Variants in MLIP observed in about 807,000 individuals in gnomAD.
MLIP encodes muscular LMNA-interacting protein.
Under a neutral mutation model 84.8 loss-of-function variants are expected in MLIP, and 79 were observed. The observed-to-expected ratio is 0.93, with a 90% CI of 0.78 to 1.12. MLIP has a LOEUF of 1.12. Ranked by LOEUF, MLIP falls within the 50% of genes most tolerant of loss-of-function variation. MLIP has a pLI of 0.00. For synonymous variants in MLIP, 504 were observed against 463.0 expected, an observed-to-expected ratio of 1.09 and a Z score of -1.14; for missense variants, 1,257 against 1,160.6, an observed-to-expected ratio of 1.08 and a Z score of -1.21.
intron 9 of MLIP, among the ~76,000 whole-genome samples, chr6:54,178,484 G>T (rs1582406571): frequency 6.6e-6 from 1 of 152,086 alleles, no homozygotes; most frequent in African/African-American, 2.4e-5. Flanking sequence ...CTTTCTAGTT[G>T]TTTAAGGTGT....
intron 5 of MLIP, among the ~76,000 whole-genome samples, chr6:54,158,373 A>G (rs570030776): frequency 6.6e-5 from 10 of 152,244 alleles, no homozygotes; most frequent in Middle Eastern, 6.8e-3. Flanking sequence ...ACCAGAACAT[A>G]TATATTCAAG....
intron 12 of MLIP, among the ~76,000 whole-genome samples, chr6:54,246,716 A>G (rs1312471642): frequency 6.6e-6 from 1 of 152,116 alleles, no homozygotes; most frequent in Admixed American, 6.6e-5. Flanking sequence ...CTGGTTTAAA[A>G]TGTATTTAAC....
At chr6:54,215,103 G>A in intron 11 of MLIP, 1 of 1,453,674 alleles carries the variant, frequency 6.9e-7, no homozygotes, top group South Asian at 1.2e-5. Context: ...TACACGCTGT[G>A]TACTTCCTCA....
chr6:54,230,953 T>C (rs1319670515), intron 12 of MLIP, 36 bp downstream of exon 12: 2 of 1,582,444 alleles, frequency 1.3e-6, no homozygotes, highest in South Asian at 2.2e-5. Flanking sequence ...ACTATTCTAT[T>C]CTGTGAACCT....
At chr6:54,215,134 A>T (rs1014575223) in intron 11 of MLIP, 2 of 1,534,086 alleles carry the variant, frequency 1.3e-6, no homozygotes, top group South Asian at 2.4e-5. Flanking sequence ...TCCACTTTAC[A>T]CTCAGGCTGC....
chr6:54,229,087 A>G (rs1780800151), intron 11 of MLIP, among the ~76,000 whole-genome samples: 1 of 152,252 alleles, frequency 6.6e-6, no homozygotes, highest in South Asian at 2.1e-4. Flanking sequence ...GACAAATGGA[A>G]GAAATGAAAA....
At chr6:54,177,322 T>C (rs1410527554) in intron 9 of MLIP, among the ~76,000 whole-genome samples, 3 of 151,966 alleles carry the variant, frequency 2.0e-5, no homozygotes, top group Admixed American at 2.0e-4. Context: ...ATCCAGAATC[T>C]ACAAGGAACT....
intron 1 of MLIP, among the ~76,000 whole-genome samples, chr6:54,086,932 T>C (rs372630496): frequency 1.1e-4 from 16 of 152,226 alleles, no homozygotes; most frequent in Admixed American, 3.3e-4. Flanking sequence ...CCTGTACATA[T>C]CTTCCATGCT....
rs548871795 is a variant in MLIP, at chr6:54,241,621, A to G, written c.2922+10704A>G. On this transcript the variant is annotated intron_variant, in intron 12 of 13. Coordinates refer to ENST00000502396, the MANE Select transcript of MLIP (RefSeq NM_001281747.2). ...TTTAAAAAATTAAAGTGCCCTTTTC[A>G]TAAAGATATTTTAAATTATAGCAAT... 2.1e-3 allele frequency among the ~76,000 whole-genome samples: 322 copies of G among 152,280 alleles called. 2 individuals carry two copies. The highest frequency in any genetic ancestry group is 7.4e-3 in the African/African-American group (308 of 41,572).
intron 13 of MLIP, among the ~76,000 whole-genome samples, chr6:54,264,111 G>T (rs559185986): frequency 6.6e-6 from 1 of 152,014 alleles, no homozygotes; most frequent in East Asian, 1.9e-4. Context: ...TGGTGGGTTC[G>T]GGAAGAGCTG....
intron 5 of MLIP, among the ~76,000 whole-genome samples, chr6:54,152,597 G>A (rs951927826): frequency 6.6e-6 from 1 of 152,070 alleles, no homozygotes; most frequent in Non-Finnish European, 1.5e-5. Context: ...ACCTCCCTCT[G>A]GGTCCCTCCC....
rs75753603 is a variant in MLIP, at chr6:54,050,500, A to G, written c.63+31409A>G. On this transcript the variant is annotated intron_variant, in intron 1 of 12. Transcript: ENST00000274897. Reference sequence around the variant, plus strand: ...CTCATTAAATATTCTTCACAATGTTAATTTGTCTGGATAGTATTTTATGGT... The same window carrying G: ...CTCATTAAATATTCTTCACAATGTTGATTTGTCTGGATAGTATTTTATGGT... Among the ~76,000 whole-genome samples, 568 of 152,270 alleles carry G rather than the reference A, an allele frequency of 3.7e-3. 4 individuals carry two copies. Among genetic ancestry groups the G allele is most frequent in the Middle Eastern group, 0.014 (4 of 294 alleles).
chr6:54,152,036 T>G (rs1388337568), intron 5 of MLIP, among the ~76,000 whole-genome samples: 3 of 152,150 alleles, frequency 2.0e-5, no homozygotes, highest in Non-Finnish European at 1.5e-5. Flanking sequence ...TTATTCCATA[T>G]TCTATCATTT....
chr6:54,025,529 T>C (rs1007580689), intron 1 of MLIP, among the ~76,000 whole-genome samples: 1 of 152,198 alleles, frequency 6.6e-6, no homozygotes, highest in East Asian at 1.9e-4. Flanking sequence ...GAAAGAAAGA[T>C]AAAAACATGC....
intron 11 of MLIP, among the ~76,000 whole-genome samples, chr6:54,204,846 A>G (rs1483112505): frequency 6.6e-6 from 1 of 152,192 alleles, no homozygotes; most frequent in East Asian, 1.9e-4. Flanking sequence ...CACAGACCTA[A>G]TCTTATCTAT....
intron 11 of MLIP, chr6:54,216,207 GAAGA>G: frequency 3.0e-6 from 3 of 985,128 alleles, no homozygotes; most frequent in Non-Finnish European, 3.6e-6. Context: ...TTCAATTTTG[GAAGA>G]AAGAGGTTGA....
At chr6:54,183,108 AT>A (rs1777046960) in intron 9 of MLIP, among the ~76,000 whole-genome samples, 1 of 151,932 alleles carries the variant, frequency 6.6e-6, no homozygotes, top group African/African-American at 2.4e-5. Context: ...AGATATTCAA[AT>A]AAAGGTCATC....
rs536185672 is a variant in MLIP at position 54,020,861 on chromosome 6, G to A, written c.63+1770G>A. ...AGGCATACGAACATTCACCTGCATTGAGAAGAGAGGCTGTTCTAGGGGTGG... is the reference window on the plus strand; with the variant it reads ...AGGCATACGAACATTCACCTGCATTAAGAAGAGAGGCTGTTCTAGGGGTGG... On this transcript the variant is annotated intron_variant, in intron 1 of 12. Transcript: ENST00000274897. Among the ~76,000 whole-genome samples, 356 of 152,286 alleles carry A rather than the reference G, an allele frequency of 2.3e-3. 1 individual carries two copies. The highest frequency in any genetic ancestry group is 0.01 in the Middle Eastern group (3 of 294).
intron 4 of MLIP, among the ~76,000 whole-genome samples, chr6:54,145,032 C>T (rs1374660451): frequency 3.3e-5 from 5 of 152,236 alleles, no homozygotes; most frequent in South Asian, 2.1e-4. Flanking sequence ...TAAACTTTGA[C>T]CTGCACCATG....
Sources: gnomAD v4.1 joint callset for allele counts (sites outside exome capture counted in the v4.1 genomes callset) on GRCh38, gnomAD v4.1.1 for gene constraint, MANE v1.5 for transcripts, NCBI Gene and HGNC (gene_info 2026-07-23, HGNC 2026-07-21) for gene names.